Variants in PTPRD observed in about 807,000 individuals in gnomAD.
PTPRD encodes the protein receptor-type tyrosine-protein phosphatase delta.
PTPRD carries 34 observed loss-of-function variants against 214.5 expected under a neutral mutation model. That is an observed-to-expected ratio of 0.16 (90% CI 0.12 to 0.21). The LOEUF is 0.21. Among genes scored for constraint, PTPRD ranks in the 10% least tolerant of loss-of-function variants. The probability of loss-of-function intolerance (pLI) is 1.00; values close to 1 mark genes in which losing one functional copy is unlikely to be tolerated. For synonymous variants in PTPRD, 1,128 were observed against 845.7 expected, an observed-to-expected ratio of 1.33 and a Z score of -5.79; for missense variants, 2,545 against 2,398.7, an observed-to-expected ratio of 1.06 and a Z score of -1.27.
At chr9:10,178,959 G>C (rs1357887347) in intron 3 of PTPRD, among the ~76,000 whole-genome samples, 2 of 151,376 alleles carry the variant, frequency 1.3e-5, no homozygotes, top group Non-Finnish European at 3.0e-5. Flanking sequence ...ACAGGAATGG[G>C]GAACAATACT....
At chr9:10,433,042 A>C (rs2098693646) in intron 2 of PTPRD, among the ~76,000 whole-genome samples, 1 of 151,844 alleles carries the variant, frequency 6.6e-6, no homozygotes, top group South Asian at 2.1e-4. Context: ...TTAGTTTAAT[A>C]AGATCATGGT....
At chr9:9,557,274 G>T (rs1472254286) in intron 8 of PTPRD, among the ~76,000 whole-genome samples, 3 of 152,064 alleles carry the variant, frequency 2.0e-5, no homozygotes, top group Non-Finnish European at 4.4e-5. Flanking sequence ...TCCTACCTTT[G>T]GAATTCAGGC....
In PTPRD at chr9:9,140,366, A is replaced by AT. The variant is rs201169148; in HGVS notation, c.-143+42937dup. Among the ~76,000 whole-genome samples, 347 of 151,848 alleles carry AT rather than the reference A, an allele frequency of 2.3e-3. 1 individual carries two copies. Among genetic ancestry groups the AT allele is most frequent in the African/African-American group, 7.8e-3 (324 of 41,426 alleles). On this transcript the variant is annotated intron_variant, in intron 10 of 45. Transcript: ENST00000381196. ...ATACCCACATATTTAAATCCCCACT[A>AT]TTTTTTTTATACTTGTCTTCTTGTG...
At chr9:8,922,790 G>A (rs1274892451) in intron 11 of PTPRD, among the ~76,000 whole-genome samples, 2 of 151,734 alleles carry the variant, frequency 1.3e-5, no homozygotes, top group Non-Finnish European at 2.9e-5. Flanking sequence ...GGGACTACAG[G>A]CGTGTGCCAT....
chr9:10,508,745 T>C (rs945836442), intron 2 of PTPRD, among the ~76,000 whole-genome samples: 3 of 151,472 alleles, frequency 2.0e-5, no homozygotes, highest in African/African-American at 7.3e-5. Flanking sequence ...AATTGAACAA[T>C]GGAACACTTG....
intron 9 of PTPRD, among the ~76,000 whole-genome samples, chr9:9,216,979 C>A (rs770013456): frequency 7.9e-5 from 12 of 151,782 alleles, no homozygotes; most frequent in African/African-American, 2.9e-4. Context: ...ATTAGTTCTG[C>A]GGGATTTTAA....
chr9:9,312,614 T>C (rs1407449484), intron 9 of PTPRD, among the ~76,000 whole-genome samples: 9 of 152,128 alleles, frequency 5.9e-5, no homozygotes, highest in Admixed American at 5.9e-4. Flanking sequence ...TGAGTGAATG[T>C]GGGTGTGAGT....
chr9:9,671,713 C>A (rs185292364), intron 7 of PTPRD, among the ~76,000 whole-genome samples: 1 of 152,134 alleles, frequency 6.6e-6, no homozygotes, highest in Admixed American at 6.6e-5. Flanking sequence ...TGCACTTTTG[C>A]ATCTTCCTCA....
intron 9 of PTPRD, among the ~76,000 whole-genome samples, chr9:9,316,771 A>G (rs1338568767): frequency 6.6e-6 from 1 of 152,162 alleles, no homozygotes; most frequent in Non-Finnish European, 1.5e-5. Flanking sequence ...AATCAGATGC[A>G]TTTCCCAAAT....
intron 11 of PTPRD, among the ~76,000 whole-genome samples, chr9:8,922,061 AT>A (rs1437214141): frequency 6.6e-6 from 1 of 152,234 alleles, no homozygotes; most frequent in Non-Finnish European, 1.5e-5. Context: ...TTAACATCAA[AT>A]TCATACTGTT....
intron 7 of PTPRD, among the ~76,000 whole-genome samples, chr9:9,688,227 A>G (rs1004587321): frequency 6.6e-6 from 1 of 151,866 alleles, no homozygotes; most frequent in Non-Finnish European, 1.5e-5. Context: ...ATAACAATAT[A>G]TATAAGCTGG....
At chr9:8,633,983 C>G (rs574641231) in intron 13 of PTPRD, among the ~76,000 whole-genome samples, 1 of 151,966 alleles carries the variant, frequency 6.6e-6, no homozygotes, top group Non-Finnish European at 1.5e-5. Context: ...CTTAGGCAGC[C>G]AACGAGACAG....
At chr9:9,793,813 T>G (rs561442913) in intron 5 of PTPRD, among the ~76,000 whole-genome samples, 1 of 152,024 alleles carries the variant, frequency 6.6e-6, no homozygotes, top group Non-Finnish European at 1.5e-5. Flanking sequence ...CTTTAATAAA[T>G]GGACAAAAAG....
chr9:8,758,921 G>C (rs566932001), intron 11 of PTPRD, among the ~76,000 whole-genome samples: 1 of 151,890 alleles, frequency 6.6e-6, no homozygotes, highest in African/African-American at 2.4e-5. Flanking sequence ...TCCTGACCTC[G>C]TGATCCACCT....
chr9:10,068,591 C>T (rs555773462), intron 3 of PTPRD, among the ~76,000 whole-genome samples: 8 of 151,708 alleles, frequency 5.3e-5, no homozygotes, highest in Non-Finnish European at 8.8e-5. Flanking sequence ...TTTCAACCAC[C>T]AAACCATATT....
At chr9:9,705,828 A>G (rs888328826) in intron 7 of PTPRD, among the ~76,000 whole-genome samples, 2 of 152,192 alleles carry the variant, frequency 1.3e-5, no homozygotes, top group African/African-American at 2.4e-5. Flanking sequence ...ATTGTAATCT[A>G]TGACATTAAT....
chr9:10,095,518 G>A (rs2098474374), intron 3 of PTPRD, among the ~76,000 whole-genome samples: 3 of 151,498 alleles, frequency 2.0e-5, no homozygotes, highest in African/African-American at 4.8e-5. Context: ...ATCAACAACT[G>A]CATTTCAATA....
At chr9:8,938,015 T>TTA (rs1460278640) in intron 11 of PTPRD, among the ~76,000 whole-genome samples, 1 of 152,148 alleles carries the variant, frequency 6.6e-6, no homozygotes, top group African/African-American at 2.4e-5. Flanking sequence ...AGACCTAGTT[T>TTA]TATATGGTTC....
chr9:9,479,643 C>T (rs922989606), intron 8 of PTPRD, among the ~76,000 whole-genome samples: 5 of 152,006 alleles, frequency 3.3e-5, no homozygotes, highest in Non-Finnish European at 7.4e-5. Flanking sequence ...TTCCAAATAA[C>T]AGAAATTATT....
Sources: gnomAD v4.1 joint callset for allele counts (sites outside exome capture counted in the v4.1 genomes callset) on GRCh38, gnomAD v4.1.1 for gene constraint, MANE v1.5 for transcripts, NCBI Gene and HGNC (gene_info 2026-07-23, HGNC 2026-07-21) for gene names.